The following PRKAR1B variants were observed in gnomAD, a reference collection of about 807,000 sequenced individuals.
PRKAR1B encodes protein kinase cAMP-dependent type I regulatory subunit beta.
Under a neutral mutation model 46.5 loss-of-function variants are expected in PRKAR1B, and 22 were observed. That is an observed-to-expected ratio of 0.47 (90% confidence interval 0.34 to 0.68). The LOEUF (loss-of-function observed/expected upper bound fraction) is 0.68, where lower values mean the gene tolerates loss of function less well. Ranked by LOEUF, PRKAR1B falls within the 30% of genes least tolerant of loss-of-function variation. PRKAR1B has a pLI of 0.01. For synonymous variants in PRKAR1B, 259 were observed against 217.7 expected, an observed-to-expected ratio of 1.19 and a Z score of -1.67; for missense variants, 445 against 535.6, an observed-to-expected ratio of 0.83 and a Z score of 1.67.
At chr7:687,382 T>C (rs1253325667) in intron 2 of PRKAR1B, among the ~76,000 whole-genome samples, 2 of 151,986 alleles carry the variant, frequency 1.3e-5, no homozygotes, top group Non-Finnish European at 2.9e-5. Context: ...AAAAAAACTA[T>C]AAGGCACGTG....
intron 4 of PRKAR1B, among the ~76,000 whole-genome samples, chr7:675,315 G>A (rs1786516943): frequency 6.6e-6 from 1 of 152,156 alleles, no homozygotes; most frequent in African/African-American, 2.4e-5. Context: ...TGTTCCCAGG[G>A]TCCCCACCTG....
chr7:558,777 G>C (rs1778607124), intron 9 of PRKAR1B, among the ~76,000 whole-genome samples: 1 of 152,106 alleles, frequency 6.6e-6, no homozygotes, highest in South Asian at 2.1e-4. Context: ...AAAGAAGAAG[G>C]AAAACCAGCC....
chr7:615,189 C>A (rs1198065357), intron 4 of PRKAR1B, among the ~76,000 whole-genome samples: 1 of 151,348 alleles, frequency 6.6e-6, no homozygotes, highest in Non-Finnish European at 1.5e-5. Context: ...ACTTTGGAAG[C>A]CCAAGGCAGG....
chr7:610,001 C>G (rs1782384170), intron 4 of PRKAR1B, among the ~76,000 whole-genome samples: 1 of 152,230 alleles, frequency 6.6e-6, no homozygotes, highest in Admixed American at 6.5e-5. Flanking sequence ...CCTTGGCCTC[C>G]CAAAGTGCTG....
At chr7:568,893 T>C (rs1779331063) in intron 9 of PRKAR1B, among the ~76,000 whole-genome samples, 1 of 146,432 alleles carries the variant, frequency 6.8e-6, no homozygotes, top group Non-Finnish European at 1.5e-5. Flanking sequence ...GAGATACGGG[T>C]GGGAAACAAG....
chr7:562,934 A>G (rs928224942), intron 9 of PRKAR1B, among the ~76,000 whole-genome samples: 1 of 152,206 alleles, frequency 6.6e-6, no homozygotes, highest in Non-Finnish European at 1.5e-5. Flanking sequence ...TTCTCAGCCA[A>G]GTCTCAATCT....
chr7:567,494 C>T (rs1171335811), intron 9 of PRKAR1B, among the ~76,000 whole-genome samples: 6 of 151,148 alleles, frequency 4.0e-5, no homozygotes, highest in African/African-American at 1.2e-4. Context: ...TCATCACCAT[C>T]ACCATCATCA....
At chr7:660,040 T>C (rs1785422354) in intron 4 of PRKAR1B, among the ~76,000 whole-genome samples, 2 of 151,956 alleles carry the variant, frequency 1.3e-5, no homozygotes, top group Admixed American at 6.5e-5. Context: ...GGCTCTAGGC[T>C]CTCCCAGCAG....
chr7:699,291 G>A (rs544432442), intron 2 of PRKAR1B, among the ~76,000 whole-genome samples: 15 of 152,280 alleles, frequency 9.9e-5, no homozygotes, highest in Admixed American at 3.9e-4. Context: ...CCAGGCCTGC[G>A]TGAGAATTCG....
chr7:610,562 T>G (rs1782423110), intron 4 of PRKAR1B, among the ~76,000 whole-genome samples: 1 of 152,096 alleles, frequency 6.6e-6, no homozygotes. Flanking sequence ...AGAGGAAATG[T>G]TAATGCCCGA....
In PRKAR1B at chr7:706,585, A is replaced by ATTTTTTT. The variant is rs754034242; in HGVS notation, c.177+4737_177+4743dup. Among the ~76,000 whole-genome samples, 626 of 113,696 alleles carry ATTTTTTT rather than the reference A, an allele frequency of 5.5e-3. 6 individuals are homozygous for ATTTTTTT. Among genetic ancestry groups the ATTTTTTT allele is most frequent in the East Asian group, 0.039 (149 of 3,774 alleles). The allele number at this position is 113,696 out of a possible 152,430, so 74.6% of individuals were successfully genotyped here. A position where few individuals can be genotyped will look rare whatever the true frequency, so the allele number is the denominator to read the frequency against. On this transcript the variant is annotated intron_variant, in intron 2 of 10. Transcript: ENST00000537384. Reference sequence around the variant, plus strand: ...AGGCACCCGCCACCATGCCCAGCTAATTTTTTTTTTTTTTTTTTTTTAGTA... The same window carrying ATTTTTTT: ...AGGCACCCGCCACCATGCCCAGCTAATTTTTTTTTTTTTTTTTTTTTTTTTTTTAGTA...
chr7:657,235 GGATA>G (rs1785252755), intron 4 of PRKAR1B, among the ~76,000 whole-genome samples: 2 of 151,488 alleles, frequency 1.3e-5, no homozygotes, highest in African/African-American at 4.9e-5. Flanking sequence ...GTGCATGGAT[GGATA>G]AATGAATGGA....
At chr7:676,619 C>T (rs1277212642) in intron 4 of PRKAR1B, among the ~76,000 whole-genome samples, 7 of 152,218 alleles carry the variant, frequency 4.6e-5, no homozygotes, top group African/African-American at 1.2e-4. Context: ...GGACTCAGCT[C>T]GGCAGCAGGG....
chr7:633,482 G>A (rs1319869122), intron 4 of PRKAR1B, among the ~76,000 whole-genome samples: 4 of 152,158 alleles, frequency 2.6e-5, no homozygotes, highest in African/African-American at 9.7e-5. Flanking sequence ...AAGTAATACA[G>A]GCTGGGCATG....
intron 4 of PRKAR1B, among the ~76,000 whole-genome samples, chr7:615,737 A>C (rs1475374604): frequency 1.4e-5 from 2 of 147,982 alleles, no homozygotes; most frequent in African/African-American, 4.9e-5. Context: ...CTGAGGCAGG[A>C]GAATGGCATG....
chr7:702,771 G>A lies in PRKAR1B; in HGVS notation c.177+8558C>T, dbSNP rs76201430. Among the ~76,000 whole-genome samples, 482 of 152,154 alleles carry A rather than the reference G, an allele frequency of 3.2e-3. 25 individuals carry two copies. The East Asian group carries it at 0.087, about 27-fold the overall frequency. On this transcript the variant is annotated intron_variant, in intron 2 of 10. Coordinates refer to ENST00000537384, the MANE Select transcript of PRKAR1B (RefSeq NM_001164760.2). ...CCAGGAGGCGGAGCTCGCAGTGAGC[G>A]GAGATTGTGCCACTGCACTCCAGCC...
intron 1 of PRKAR1B, among the ~76,000 whole-genome samples, chr7:717,667 C>T (rs879812449): frequency 2.0e-5 from 3 of 152,154 alleles, no homozygotes; most frequent in African/African-American, 7.2e-5. Flanking sequence ...CAAAACCACA[C>T]ACCCACACAC....
At chr7:655,956 G>A (rs554774635) in intron 4 of PRKAR1B, among the ~76,000 whole-genome samples, 51 of 152,296 alleles carry the variant, frequency 3.3e-4, no homozygotes, top group Non-Finnish European at 5.7e-4. Flanking sequence ...CTGCCCCCGC[G>A]TAAGTGGTTG....
intron 1 of PRKAR1B, chr7:712,667 C>G (rs1212334284): frequency 7.7e-6 from 1 of 129,374 alleles, no homozygotes. Flanking sequence ...CCCCATCCCC[C>G]ACCGGCGCAG....
Sources: allele counts gnomAD v4.1 joint callset (sites outside exome capture counted in the v4.1 genomes callset), GRCh38; gene constraint gnomAD v4.1.1; transcripts MANE v1.5; gene names NCBI Gene and HGNC (gene_info 2026-07-23, HGNC 2026-07-21).